The following ZNF44 variants were observed in gnomAD, a reference collection of about 807,000 sequenced individuals.
ZNF44 encodes the protein zinc finger protein 44.
A neutral mutation model predicts 11.7 loss-of-function variants in ZNF44; 9 were observed. That is an observed-to-expected ratio of 0.77 (90% CI 0.46 to 1.35). ZNF44 has a LOEUF of 1.35. Ranked by LOEUF, ZNF44 falls within the 40% of genes most tolerant of loss-of-function variation. The pLI is 0.00. For missense variants in ZNF44, 696 were observed against 743.1 expected, an observed-to-expected ratio of 0.94 and a Z score of 0.74; for synonymous variants, 224 against 242.7, an observed-to-expected ratio of 0.92 and a Z score of 0.72.
intron 5 of ZNF44, among the ~76,000 whole-genome samples, chr19:12,264,410 C>T (rs1456489234): frequency 1.3e-5 from 2 of 152,140 alleles, no homozygotes; most frequent in Non-Finnish European, 2.9e-5. Flanking sequence ...CTCAGGCCTC[C>T]GCTCACTAGT....
At chr19:12,258,745 G>C (rs1917374009) in intron 5 of ZNF44, among the ~76,000 whole-genome samples, 1 of 152,114 alleles carries the variant, frequency 6.6e-6, no homozygotes, top group South Asian at 2.1e-4. Flanking sequence ...CAGGAAAATT[G>C]CTTAAACCTG....
intron 2 of ZNF44, among the ~76,000 whole-genome samples, chr19:12,234,041 G>C (rs933765038): frequency 2.7e-5 from 4 of 150,366 alleles, no homozygotes; most frequent in African/African-American, 9.8e-5. Context: ...CAGCCTGGGG[G>C]ACAGAGTGAG....
At chr19:12,277,480 C>T (rs986255642) in intron 1 of ZNF44, among the ~76,000 whole-genome samples, 1 of 152,004 alleles carries the variant, frequency 6.6e-6, no homozygotes, top group Non-Finnish European at 1.5e-5. Context: ...ATTACATAAA[C>T]CAATTTTTAT....
chr19:12,280,585 T>C (rs940677364), intron 1 of ZNF44, among the ~76,000 whole-genome samples: 1 of 152,062 alleles, frequency 6.6e-6, no homozygotes, highest in African/African-American at 2.4e-5. Flanking sequence ...ATAATATACA[T>C]GTTTATCTGA....
At chr19:12,270,355 TGTAA>T (rs1220922704), downstream of ZNF44, among the ~76,000 whole-genome samples, 1 of 151,996 alleles carries the variant, frequency 6.6e-6, no homozygotes. Context: ...GATGAAAAAG[TGTAA>T]GTGATGTTCT....
At chr19:12,227,411 C>T (rs1915965786) in intron 3 of ZNF44, among the ~76,000 whole-genome samples, 2 of 152,124 alleles carry the variant, frequency 1.3e-5, no homozygotes. Context: ...AGACCAGCCT[C>T]ACCAACATGG....
intron 5 of ZNF44, among the ~76,000 whole-genome samples, chr19:12,252,067 CAG>C (rs1917029169): frequency 2.1e-5 from 3 of 143,564 alleles, no homozygotes; most frequent in Non-Finnish European, 4.5e-5. Flanking sequence ...AAAAAAAAAA[CAG>C]ATTTGCAATT....
chr19:12,225,157 A>G (rs1303767645), downstream of ZNF44: 1 of 152,344 alleles, frequency 6.6e-6, no homozygotes, highest in Non-Finnish European at 1.5e-5. Context: ...CTTTCTGGCT[A>G]CTTCCTGCTG....
rs1004633452 is a variant in ZNF44 at position 12,257,498 on chromosome 19, C to T, written c.1913-7130G>A. ...AACCCCGTCTTTACTTAAAAAAATA[C>T]AAAAATTGGCCAGGCGTGGTGGCTC... On this transcript the variant is annotated intron_variant and NMD_transcript_variant, in intron 5 of 7. Transcript: ENST00000393337. Among the ~76,000 whole-genome samples the T allele has an allele frequency of 2.6e-5, 4 of 151,126 alleles. No individual in the cohort carries two copies. In the East Asian group the frequency reaches 5.8e-4, roughly 22 times the overall value.
At chr19:12,260,974 C>CA (rs1025750407) in intron 5 of ZNF44, among the ~76,000 whole-genome samples, 4 of 152,168 alleles carry the variant, frequency 2.6e-5, no homozygotes, top group African/African-American at 9.7e-5. Flanking sequence ...GGCGAGGCTG[C>CA]AATGATGACA....
intron 5 of ZNF44, among the ~76,000 whole-genome samples, chr19:12,256,203 G>A (rs562077405): frequency 2.0e-4 from 31 of 152,192 alleles, no homozygotes; most frequent in African/African-American, 6.0e-4. Flanking sequence ...TAAAATTTGC[G>A]CACAAGGATT....
intron 5 of ZNF44, among the ~76,000 whole-genome samples, chr19:12,251,316 C>T (rs1052807580): frequency 7.4e-5 from 10 of 134,320 alleles, no homozygotes; most frequent in South Asian, 4.6e-4. Context: ...GGCAACGGAG[C>T]GAGACTCTGT....
downstream of ZNF44, chr19:12,244,572 A>G: frequency 6.5e-6 from 1 of 152,684 alleles, no homozygotes; most frequent in South Asian, 2.1e-4. Flanking sequence ...CCACAAGGCG[A>G]AGTCTTACCC....
chr19:12,238,696 C>T (rs991020836), upstream of ZNF44, among the ~76,000 whole-genome samples: 2 of 150,152 alleles, frequency 1.3e-5, no homozygotes, highest in Non-Finnish European at 3.0e-5. Context: ...CTCAGGAGGT[C>T]GAGGCAGGAC....
chr19:12,294,802 T>C lies in ZNF44; in HGVS notation c.-108A>G, dbSNP rs1021291698. The C allele has an allele frequency of 1.5e-6, 2 of 1,373,726 alleles. No individual in the cohort carries two copies. The highest frequency in any genetic ancestry group is 2.0e-6 in the Non-Finnish European group (2 of 1,018,346). 85.1% of individuals were successfully genotyped at this position (1,373,726 alleles called of 1,614,324 possible). On this transcript the variant is annotated 5_prime_UTR_variant, in exon 1 of 4. Coordinates refer to ENST00000355684, the MANE Select transcript of ZNF44 (RefSeq NM_016264.4). ...CCCAGGGCGTCTCTCAGTGACAGAA[T>C]ACGGAACAGAGGTCACCAGGGTGAA... is the stretch of plus-strand genomic sequence containing the variant.
upstream of ZNF44, among the ~76,000 whole-genome samples, chr19:12,239,820 G>A (rs1028979793): frequency 8.6e-5 from 13 of 151,700 alleles, no homozygotes; most frequent in Non-Finnish European, 1.8e-4. Flanking sequence ...TGCTCCACCC[G>A]CCTTGGCTTC....
chr19:12,268,188 C>T (rs1362939565), downstream of ZNF44, among the ~76,000 whole-genome samples: 1 of 129,110 alleles, frequency 7.7e-6, no homozygotes, highest in Non-Finnish European at 1.7e-5. Context: ...ACACAAGCTC[C>T]TTCCCCACCC....
At position 12,259,182 on chromosome 19, in the gene ZNF44, A is replaced by G. The variant is rs1016914025; in HGVS notation, c.1913-8814T>C. 4.6e-5 allele frequency among the ~76,000 whole-genome samples: 7 copies of G among 152,116 alleles called. No individual in the cohort carries two copies. In the East Asian group the frequency reaches 5.8e-4, roughly 13 times the overall value. On this transcript the variant is annotated intron_variant and NMD_transcript_variant, in intron 5 of 7. Coordinates refer to the ZNF44 transcript ENST00000393337. ...GAGCCACCGCACCTGGCCCTATGTGATATTTTAAGACAATTTGTTCTATAA... is the reference window on the plus strand; with the variant it reads ...GAGCCACCGCACCTGGCCCTATGTGGTATTTTAAGACAATTTGTTCTATAA...
rs192400437 is a variant in ZNF44, at chr19:12,293,275, C to T, written c.3+1417G>A. 144 of 1,537,048 alleles carry T rather than the reference C, an allele frequency of 9.4e-5. 1 individual carries two copies. The African/African-American group carries it at 1.4e-3, about 15-fold the overall frequency. ...CCACTCCAACACCTCAGGCTGTCCT[C>T]TGGGAAGAGTGACCCAAGGGCCGAT... On this transcript the variant is annotated intron_variant, in intron 1 of 3. Transcript: ENST00000355684.
Sources: allele counts gnomAD v4.1 joint callset (sites outside exome capture counted in the v4.1 genomes callset), GRCh38; gene constraint gnomAD v4.1.1; transcripts MANE v1.5; gene names NCBI Gene and HGNC (gene_info 2026-07-23, HGNC 2026-07-21).